PRKCI: variants seen among roughly 807,000 people sequenced by gnomAD.
PRKCI encodes the protein protein kinase C iota, also known as protein kinase C iota type.
A neutral mutation model predicts 84.0 loss-of-function variants in PRKCI; 43 were observed. The observed-to-expected ratio is 0.51, with a 90% CI of 0.40 to 0.66. The LOEUF (loss-of-function observed/expected upper bound fraction) is 0.66, where lower values mean the gene tolerates loss of function less well. PRKCI is among the 30% of genes least tolerant of loss of function. The probability of loss-of-function intolerance (pLI) is 0.00; values close to 1 mark genes in which losing one functional copy is unlikely to be tolerated. For missense variants in PRKCI, 459 were observed against 745.6 expected (o/e 0.62, Z 4.48); for synonymous variants, 216 against 234.4 (o/e 0.92, Z 0.72).
At chr3:170,257,147 G>A (rs537692987) in intron 2 of PRKCI, among the ~76,000 whole-genome samples, 1 of 152,134 alleles carries the variant, frequency 6.6e-6, no homozygotes, top group Non-Finnish European at 1.5e-5. Context: ...AAGTGGGTGG[G>A]TATATAGGGG....
chr3:170,231,487 CAG>C (rs1279789645), intron 1 of PRKCI, among the ~76,000 whole-genome samples: 4 of 150,974 alleles, frequency 2.6e-5, no homozygotes, highest in Non-Finnish European at 4.4e-5. Context: ...TTTTTTGAGA[CAG>C]AGTCTCACTC....
In PRKCI at chr3:170,222,750, G is replaced by A. The variant is rs546167641; in HGVS notation, c.81G>A (p.Arg27=). Residue 27 remains arginine, a synonymous_variant, in exon 1 of 18, where the codon CGG becomes CGA. Transcript: ENST00000295797. Reference sequence around the variant, plus strand: ...GCGGGGACCATTCCCACCAGGTCCGGGTGAAAGCCTACTACCGCGGGTGAG... The same window carrying A: ...GCGGGGACCATTCCCACCAGGTCCGAGTGAAAGCCTACTACCGCGGGTGAG... ...GGSGDHSHQV[R]VKAYYRGDIM... The A allele has an allele frequency of 2.5e-6, 4 of 1,610,976 alleles. No homozygotes were observed. In the South Asian group the frequency reaches 4.4e-5, roughly 18 times the overall value.
intron 1 of PRKCI, among the ~76,000 whole-genome samples, chr3:170,228,920 T>A (rs1732711384): frequency 1.3e-5 from 2 of 152,156 alleles, no homozygotes; most frequent in African/African-American, 4.8e-5. Context: ...TCCCTCTTTA[T>A]GTCCATGTGT....
At chr3:170,232,550 C>T (rs1206860360) in intron 1 of PRKCI, among the ~76,000 whole-genome samples, 2 of 151,684 alleles carry the variant, frequency 1.3e-5, no homozygotes, top group South Asian at 2.1e-4. Context: ...GACTTACTAA[C>T]CCACAATACA....
chr3:170,283,501 T>G (rs1042317691), intron 11 of PRKCI, among the ~76,000 whole-genome samples: 12 of 152,176 alleles, frequency 7.9e-5, no homozygotes, highest in African/African-American at 2.9e-4. Flanking sequence ...TTTTGTTTAT[T>G]TGGGTTTTTT....
intron 10 of PRKCI, 111 bp downstream of exon 10, chr3:170,281,374 C>A: frequency 1.3e-6 from 1 of 783,154 alleles, no homozygotes; most frequent in Non-Finnish European, 2.1e-6. Flanking sequence ...GAGGATGCAA[C>A]AGTGTTAGGC....
intron 13 of PRKCI, among the ~76,000 whole-genome samples, chr3:170,293,040 CAAAA>C (rs1202831307): frequency 6.0e-5 from 4 of 66,162 alleles, no homozygotes; most frequent in African/African-American, 5.6e-5. Context: ...GACCCCATCT[CAAAA>C]AAAAAAAAAA....
chr3:170,247,792 G>GT (rs1208142189), intron 2 of PRKCI, among the ~76,000 whole-genome samples: 1 of 146,318 alleles, frequency 6.8e-6, no homozygotes, highest in Non-Finnish European at 1.5e-5. Flanking sequence ...GGGATGGCAT[G>GT]TATTTCTGTA....
At chr3:170,257,746 C>T (rs1426542742) in intron 2 of PRKCI, among the ~76,000 whole-genome samples, 2 of 149,866 alleles carry the variant, frequency 1.3e-5, no homozygotes, top group African/African-American at 2.5e-5. Flanking sequence ...TTCGCTGCAA[C>T]CTCCGCCTCC....
At chr3:170,269,188 T>G (rs1025496924) in intron 5 of PRKCI, among the ~76,000 whole-genome samples, 2 of 152,238 alleles carry the variant, frequency 1.3e-5, no homozygotes, top group African/African-American at 4.8e-5. Context: ...GTGCTGGGAT[T>G]ACAGGCTTGA....
chr3:170,228,160 T>C (rs1332062984), intron 1 of PRKCI, among the ~76,000 whole-genome samples: 1 of 152,212 alleles, frequency 6.6e-6, no homozygotes, highest in Non-Finnish European at 1.5e-5. Context: ...ATTTATTGTC[T>C]GTCTACTCTG....
At chr3:170,259,258 C>T (rs1029453999) in intron 2 of PRKCI, among the ~76,000 whole-genome samples, 1 of 152,168 alleles carries the variant, frequency 6.6e-6, no homozygotes, top group Non-Finnish European at 1.5e-5. Flanking sequence ...ATAATTCCAG[C>T]ACTTTGGGAG....
chr3:170,250,349 A>G lies in PRKCI; in HGVS notation c.224-9620A>G, dbSNP rs190232518. Among the ~76,000 whole-genome samples, 452 of 151,814 alleles carry G rather than the reference A, an allele frequency of 3.0e-3. 1 individual carries two copies. Among genetic ancestry groups the G allele is most frequent in the African/African-American group, 9.6e-3 (399 of 41,366 alleles). On this transcript the variant is annotated intron_variant, in intron 2 of 17. Transcript: ENST00000295797. Reference sequence around the variant, plus strand: ...GCTAAGATATAATTCACCAATGTAAAGTGTACAATTCATTGGTTTTTAGTA... The same window carrying G: ...GCTAAGATATAATTCACCAATGTAAGGTGTACAATTCATTGGTTTTTAGTA...
chr3:170,296,050 T>C (rs552350408), intron 15 of PRKCI, 60 bp downstream of exon 15: 1 of 970,222 alleles, frequency 1.0e-6, no homozygotes, highest in South Asian at 2.6e-5. Context: ...ATCAAACTGG[T>C]CAGTAGCGGT....
intron 17 of PRKCI, among the ~76,000 whole-genome samples, chr3:170,300,507 C>G (rs1734794901): frequency 6.6e-6 from 1 of 151,584 alleles, no homozygotes. Context: ...CTCAGATACT[C>G]TGATTTTTCC....
At position 170,305,585 on chromosome 3, in the gene PRKCI, G is replaced by A. The variant is rs570034046; in HGVS notation, c.*2458G>A. 9.2e-5 allele frequency: 14 copies of A among 152,056 alleles called. 1 individual carries two copies. Among genetic ancestry groups the A allele is most frequent in the South Asian group, 8.3e-4 (4 of 4,814 alleles). 9.4% of individuals were successfully genotyped at this position (152,056 alleles called of 1,614,324 possible). A position where few individuals can be genotyped will look rare whatever the true frequency, so the allele number is the denominator to read the frequency against. On this transcript the variant is annotated 3_prime_UTR_variant, in exon 18 of 18. Transcript: ENST00000295797. ...TCTTTTTTTAACTAATAAGATTTAC[G>A]GTGTGTATTTTATACAGAAATGCAT...
intron 2 of PRKCI, among the ~76,000 whole-genome samples, chr3:170,236,399 C>T (rs994169441): frequency 1.8e-4 from 27 of 152,198 alleles, no homozygotes; most frequent in African/African-American, 6.5e-4. Flanking sequence ...CCACACCTGG[C>T]CCCCAGCTTC....
intron 1 of PRKCI, among the ~76,000 whole-genome samples, chr3:170,224,887 A>C (rs1036014530): frequency 6.6e-6 from 1 of 152,246 alleles, no homozygotes; most frequent in African/African-American, 2.4e-5. Flanking sequence ...ATGAAAGGTA[A>C]GAAATTAGTG....
chr3:170,224,091 A>G (rs1354651886), intron 1 of PRKCI, among the ~76,000 whole-genome samples: 2 of 101,034 alleles, frequency 2.0e-5, no homozygotes, highest in African/African-American at 8.0e-5. Context: ...AACAGTCCCC[A>G]GGGTGTGATG....
Sources: allele counts gnomAD v4.1 joint callset (sites outside exome capture counted in the v4.1 genomes callset), GRCh38; gene constraint gnomAD v4.1.1; transcripts MANE v1.5; gene names NCBI Gene and HGNC (gene_info 2026-07-23, HGNC 2026-07-21).